Variants in NOS1 observed in about 807,000 individuals in gnomAD.
NOS1 encodes nitric oxide synthase 1.
Under a neutral mutation model 164.5 loss-of-function variants are expected in NOS1, and 51 were observed. That is an observed-to-expected ratio of 0.31 (90% CI 0.25 to 0.39). The LOEUF is 0.39. Among genes scored for constraint, NOS1 ranks in the 10% least tolerant of loss-of-function variants. The pLI is 1.00. For missense variants in NOS1, 1,362 were observed against 1,885.6 expected, an observed-to-expected ratio of 0.72 and a Z score of 5.14; for synonymous variants, 719 against 745.8, an observed-to-expected ratio of 0.96 and a Z score of 0.59.
chr12:117,317,043 G>A (rs1029059088), intron 2 of NOS1, among the ~76,000 whole-genome samples: 7 of 152,000 alleles, frequency 4.6e-5, no homozygotes, highest in African/African-American at 1.7e-4. Flanking sequence ...ACCAAGCCTT[G>A]CTAATTTTTG....
In NOS1 at chr12:117,212,589, CA is replaced by C; in HGVS notation, c.*2719del. 1 of 985,474 alleles carries C rather than the reference CA, an allele frequency of 1.0e-6. No individual in the cohort carries two copies. Among genetic ancestry groups the C allele is most frequent in the Non-Finnish European group, 1.2e-6 (1 of 829,944 alleles). The allele number at this position is 985,474 out of a possible 1,614,324, so 61.0% of individuals were successfully genotyped here. On this transcript the variant is annotated 3_prime_UTR_variant, in exon 29 of 29. Transcript: ENST00000317775. The stretch of plus-strand genomic sequence containing the variant: ...ACGTCTCATTCCTCCTGGCCAAACT[CA>C]CTTTTGTGAAATGGGGCTGGAGCTG...
intron 7 of NOS1, 73 bp from the exon 8 acceptor site, chr12:117,280,939 C>T (rs1873599384): frequency 6.5e-7 from 1 of 1,534,682 alleles, no homozygotes; most frequent in Admixed American, 1.8e-5. Flanking sequence ...AACATGGCGC[C>T]ACCCAGGGCG....
intron 28 of NOS1, among the ~76,000 whole-genome samples, chr12:117,215,908 C>T (rs1337236751): frequency 2.3e-5 from 3 of 131,454 alleles, no homozygotes; most frequent in Admixed American, 8.6e-5. Flanking sequence ...CTGAGAGTCT[C>T]ACTGTGTCGC....
At chr12:117,219,342 C>T (rs138234036) in intron 27 of NOS1, among the ~76,000 whole-genome samples, 2 of 146,208 alleles carry the variant, frequency 1.4e-5, no homozygotes, top group East Asian at 4.2e-4. Flanking sequence ...GCCTCACTCT[C>T]GTCGCCCAGG....
chr12:117,335,035 G>A (rs10161234), intron 1 of NOS1, among the ~76,000 whole-genome samples: 1 of 152,074 alleles, frequency 6.6e-6, no homozygotes. Context: ...TAATCACCTC[G>A]TCTCTGAGTA....
At chr12:117,308,785 C>T (rs1362325980) in intron 3 of NOS1, among the ~76,000 whole-genome samples, 17 of 151,908 alleles carry the variant, frequency 1.1e-4, no homozygotes, top group African/African-American at 3.1e-4. Context: ...TTAGTAGAGA[C>T]GGAGTTTCAC....
chr12:117,304,955 T>G, intron 3 of NOS1: 1 of 947,606 alleles, frequency 1.1e-6, no homozygotes, highest in Non-Finnish European at 1.3e-6. Flanking sequence ...ATGTCTAACC[T>G]GCATTCGTCC....
chr12:117,233,557 A>G (rs1869441749), intron 21 of NOS1, among the ~76,000 whole-genome samples: 1 of 151,290 alleles, frequency 6.6e-6, no homozygotes, highest in African/African-American at 2.4e-5. Context: ...CTGTAATCCC[A>G]GCACTTTGGG....
rs992335863 is a variant in NOS1, at chr12:117,330,182, G to C, written c.725+163C>G. On this transcript the variant is annotated intron_variant, in intron 2 of 28. Coordinates refer to ENST00000317775, the MANE Select transcript of NOS1 (RefSeq NM_000620.5). This position sits in a 1 kb window ranked among gnomAD's most constrained non-coding sequence, Gnocchi z 4.6. ...TGGCCTCTTGTGAATGTAATTTTAA[G>C]TGAAGATCAAGGGGGCCGTCAAGTG... Among the ~76,000 whole-genome samples, 6 of 152,162 alleles carry C rather than the reference G, an allele frequency of 3.9e-5. No individual in the cohort carries two copies. Among genetic ancestry groups the C allele is most frequent in the Non-Finnish European group, 5.9e-5 (4 of 68,040 alleles).
chr12:117,289,821 G>A (rs141240009), intron 4 of NOS1, among the ~76,000 whole-genome samples: 2 of 152,078 alleles, frequency 1.3e-5, no homozygotes, highest in African/African-American at 4.8e-5. Context: ...GGCATACCCC[G>A]CAAGTCTGCT....
chr12:117,228,924 G>A (rs935171084), intron 22 of NOS1, among the ~76,000 whole-genome samples: 7 of 152,186 alleles, frequency 4.6e-5, no homozygotes, highest in South Asian at 4.2e-4. Context: ...TGGGACTACC[G>A]GTGCCCGCCA....
chr12:117,250,860 T>C (rs1414873657), intron 17 of NOS1, among the ~76,000 whole-genome samples: 1 of 152,182 alleles, frequency 6.6e-6, no homozygotes, highest in Admixed American at 6.5e-5. Context: ...TTCCTGAATC[T>C]CTGTGATTTA....
rs569306668 is a variant in NOS1 at position 117,322,606 on chromosome 12, C to T, written c.725+7739G>A. Among the ~76,000 whole-genome samples, 248 of 136,098 alleles carry T rather than the reference C, an allele frequency of 1.8e-3. 2 individuals are homozygous for T. The highest frequency in any genetic ancestry group is 0.014 in the Middle Eastern group (3 of 222). The allele number at this position is 136,098 out of a possible 152,430, so 89.3% of individuals were successfully genotyped here. ...CTTTTCTTCTTTCCCTCCCTCCTTC[C>T]TTTCTTCCTTCCTACCCTCTCTCAT... On this transcript the variant is annotated intron_variant, in intron 2 of 28. Coordinates refer to ENST00000317775, the MANE Select transcript of NOS1 (RefSeq NM_000620.5).
At chr12:117,296,937 A>C (rs1873456273) in intron 3 of NOS1, among the ~76,000 whole-genome samples, 1 of 152,196 alleles carries the variant, frequency 6.6e-6, no homozygotes. Flanking sequence ...CCAGAACCTG[A>C]CCATGCTGGC....
intron 1 of NOS1, among the ~76,000 whole-genome samples, chr12:117,343,027 A>C (rs1483667640): frequency 1.3e-5 from 2 of 152,016 alleles, no homozygotes; most frequent in African/African-American, 4.8e-5. Flanking sequence ...AGAGAGGGAA[A>C]CCTGAACAAT....
intron 1 of NOS1, among the ~76,000 whole-genome samples, chr12:117,334,910 G>A (rs1163749476): frequency 2.0e-5 from 3 of 152,178 alleles, no homozygotes; most frequent in South Asian, 2.1e-4. Flanking sequence ...CGTAGGGAGA[G>A]CTGGCCGCCT....
At chr12:117,291,724 G>T (rs1258488690) in intron 3 of NOS1, among the ~76,000 whole-genome samples, 1 of 151,694 alleles carries the variant, frequency 6.6e-6, no homozygotes, top group East Asian at 1.9e-4. Context: ...TTGTAGAGAT[G>T]GGGGTCTCAC....
At chr12:117,237,016 C>A (rs1353530444) in intron 20 of NOS1, among the ~76,000 whole-genome samples, 1 of 152,194 alleles carries the variant, frequency 6.6e-6, no homozygotes, top group Non-Finnish European at 1.5e-5. Context: ...GGCTGTGGGG[C>A]CCCAGGGCAC....
intron 2 of NOS1, among the ~76,000 whole-genome samples, chr12:117,322,439 G>A (rs1383722057): frequency 1.1e-5 from 1 of 87,960 alleles, no homozygotes; most frequent in East Asian, 3.8e-4. Flanking sequence ...CCTCACTCCT[G>A]CTTTCCCTCC....
Sources: gnomAD v4.1 joint callset for allele counts (sites outside exome capture counted in the v4.1 genomes callset) on GRCh38, gnomAD v4.1.1 for gene constraint, Gnocchi (gnomAD v3.1) non-coding constraint, MANE v1.5 for transcripts, NCBI Gene and HGNC (gene_info 2026-07-23, HGNC 2026-07-21) for gene names.